PLCD4: variants seen among roughly 807,000 people sequenced by gnomAD.
PLCD4 encodes 1-phosphatidylinositol 4,5-bisphosphate phosphodiesterase delta-4.
In PLCD4, 63 loss-of-function variants were observed where a neutral mutation model predicts 90.2. The observed-to-expected ratio is 0.70, with a 90% CI of 0.57 to 0.86. The LOEUF is 0.86. Among genes scored for constraint, PLCD4 ranks in the 40% least tolerant of loss-of-function variants. The pLI is 0.00. For missense variants in PLCD4, 830 were observed against 956.3 expected, an observed-to-expected ratio of 0.87 and a Z score of 1.74; for synonymous variants, 294 against 356.5, an observed-to-expected ratio of 0.82 and a Z score of 1.97.
intron 3 of PLCD4, 143 bp downstream of exon 3, chr2:218,616,205 A>C: frequency 2.2e-6 from 2 of 915,892 alleles, no homozygotes; most frequent in South Asian, 1.8e-5. Context: ...AAAGGAGATC[A>C]TAACAGTACT....
intron 13 of PLCD4, 72 bp from the exon 14 acceptor site, chr2:218,635,724 T>C: frequency 1.3e-6 from 2 of 1,534,630 alleles, no homozygotes; most frequent in South Asian, 2.4e-5. Context: ...TCTTCTCCCC[T>C]GGGGTTGGGA....
chr2:218,628,231 G>GT lies in PLCD4; in HGVS notation c.974+2dup, dbSNP rs1193011589. The GT allele has an allele frequency of 1.9e-6, 3 of 1,613,370 alleles. No individual in the cohort carries two copies. The highest frequency in any genetic ancestry group is 1.3e-5 in the African/African-American group (1 of 74,918). ...AGAGCAGCGTCGAGGGATATATACG[G>GT]TGCAGTGGTGGTAGAGAAGGGGTCC... is the stretch of plus-strand genomic sequence containing the variant. On this transcript the variant is annotated splice_donor_variant, in intron 7 of 15. Coordinates refer to ENST00000450993, the MANE Select transcript of PLCD4 (RefSeq NM_032726.4). LOFTEE classifies it high-confidence loss of function.
At chr2:218,630,621 A>G (rs367923241) in intron 8 of PLCD4, 29 bp from the exon 9 acceptor site, 1 of 1,613,740 alleles carries the variant, frequency 6.2e-7, no homozygotes, top group African/African-American at 1.3e-5. Flanking sequence ...TAGAACTCTG[A>G]ATCCATTGTT....
intron 7 of PLCD4, chr2:218,628,762 A>C (rs1031027380): frequency 4.5e-5 from 7 of 154,512 alleles, no homozygotes; most frequent in African/African-American, 1.7e-4. Flanking sequence ...ATTAGATTGA[A>C]TAGTCAAGAT....
chr2:218,635,755 G>A lies in PLCD4; in HGVS notation c.1897-41G>A, dbSNP rs1258048055. 12 of 1,595,598 alleles carry A rather than the reference G, an allele frequency of 7.5e-6. No individual in the cohort carries two copies. The Admixed American group carries it at 1.2e-4, about 16-fold the overall frequency. ...TGGGAGTAGGGTCGGGTGGGGCTGG[G>A]CTGAGCAGGAACTTGTGAGATTCCA... On this transcript the variant is annotated intron_variant, in intron 13 of 15. Transcript: ENST00000450993.
chr2:218,616,148 T>C (rs1047523159), intron 3 of PLCD4, 86 bp downstream of exon 3: 43 of 1,466,932 alleles, frequency 2.9e-5, no homozygotes, highest in South Asian at 7.5e-5. Flanking sequence ...AGTCCTACGA[T>C]AGTGTGTGTT....
rs1217905028 is a variant in PLCD4 at position 218,634,372 on chromosome 2, C to T, written c.1724-86C>T. The T allele has an allele frequency of 6.4e-7, 1 of 1,571,624 alleles. No homozygotes were observed. The highest frequency in any genetic ancestry group is 1.2e-5 in the South Asian group (1 of 84,148). On this transcript the variant is annotated intron_variant, in intron 12 of 15. Coordinates refer to ENST00000450993, the MANE Select transcript of PLCD4 (RefSeq NM_032726.4). This position sits in a 1 kb window ranked among gnomAD's most constrained non-coding sequence, Gnocchi z 4.0. ...ATATTACCAGCAGGTACCGTGCACC[C>T]AGTACCTATCTTCTTAACTCCCTGA... is the stretch of plus-strand genomic sequence containing the variant.
chr2:218,628,747 C>A (rs1696226420), intron 7 of PLCD4: 1 of 154,950 alleles, frequency 6.5e-6, no homozygotes, highest in Non-Finnish European at 1.4e-5. Flanking sequence ...TGTGACTAAT[C>A]ATGGATTAGA....
At chr2:218,633,242 G>A (rs1388195991) in intron 10 of PLCD4, 3 of 604,234 alleles carry the variant, frequency 5.0e-6, no homozygotes, top group Admixed American at 5.6e-5. Context: ...GAGAGGGAGG[G>A]AGGATAATGC....
At chr2:218,608,454 T>C (rs1445457387) in intron 1 of PLCD4, among the ~76,000 whole-genome samples, 1 of 152,184 alleles carries the variant, frequency 6.6e-6, no homozygotes, top group African/African-American at 2.4e-5. Context: ...CCAAGAACCA[T>C]GGGGAATCAG....
At chr2:218,618,915 C>T (rs2106131187) in intron 4 of PLCD4, 108 bp downstream of exon 4, 1 of 1,055,926 alleles carries the variant, frequency 9.5e-7, no homozygotes, top group East Asian at 2.6e-5. Flanking sequence ...GCTAGGGAGG[C>T]CCAAGGGTCC....
At chr2:218,626,104 A>C in intron 6 of PLCD4, among the ~76,000 whole-genome samples, 1 of 151,960 alleles carries the variant, frequency 6.6e-6, no homozygotes, top group Non-Finnish European at 1.5e-5. Context: ...TAAAAAAATA[A>C]AAAAAATAAC....
At position 218,635,876 on chromosome 2, in the gene PLCD4, C is replaced by G; in HGVS notation, c.1977C>G (p.Ile659Met). 1 of 1,613,970 alleles carries G rather than the reference C, an allele frequency of 6.2e-7. No homozygotes were observed. Residue 659 changes from isoleucine to methionine, a missense_variant, in exon 14 of 16, where the codon ATC becomes ATG. Physicochemically the swap from Ile to Met is conservative, Grantham distance 10 (BLOSUM62 1). Coordinates refer to ENST00000450993, the MANE Select transcript of PLCD4 (RefSeq NM_032726.4). ...SIVDPLVKVQ[I>M]FGVRLDTARQ... ...TGGATCCACTGGTGAAAGTGCAGATCTTTGGCGTTCGTCTAGACACAGCAC... is the reference window on the plus strand; with the variant it reads ...TGGATCCACTGGTGAAAGTGCAGATGTTTGGCGTTCGTCTAGACACAGCAC...
intron 6 of PLCD4, among the ~76,000 whole-genome samples, chr2:218,626,181 C>T (rs1050704254): frequency 1.3e-5 from 2 of 151,746 alleles, no homozygotes; most frequent in Admixed American, 6.6e-5. Flanking sequence ...ATTGCTTGAG[C>T]CTGGAGGGCA....
intron 10 of PLCD4, chr2:218,633,356 G>A: frequency 1.4e-6 from 1 of 703,466 alleles, no homozygotes; most frequent in East Asian, 2.7e-5. Flanking sequence ...AGTACATGCA[G>A]ACCGCCTTTA....
intron 4 of PLCD4, among the ~76,000 whole-genome samples, chr2:218,621,096 A>AT (rs955658808): frequency 4.6e-5 from 7 of 151,734 alleles, no homozygotes; most frequent in South Asian, 2.1e-4. Flanking sequence ...CACCCAGATA[A>AT]TTTTTTTGTA....
chr2:218,630,655 A>G lies in PLCD4; in HGVS notation c.1125A>G (p.Ser375=). The change falls in exon 9 of 16, where the codon TCA becomes TCG. Residue 375 remains serine (S), a synonymous_variant. Coordinates refer to ENST00000450993, the MANE Select transcript of PLCD4 (RefSeq NM_032726.4). Reference sequence around the variant, plus strand: ...TTCCCTCCCCTCACCACCAGACATCAGACTACCCAGTCATCTTGTCCCTGG... The same window carrying G: ...TTCCCTCCCCTCACCACCAGACATCGGACTACCCAGTCATCTTGTCCCTGG... ...ATVAQYAFQT[S]DYPVILSLET... is the part of the protein sequence containing the mutation. The G allele has an allele frequency of 1.2e-6, 2 of 1,614,014 alleles. No homozygotes were observed. Among genetic ancestry groups the G allele is most frequent in the South Asian group, 1.1e-5 (1 of 91,084 alleles).
chr2:218,625,363 A>C (rs1696071431), intron 6 of PLCD4, among the ~76,000 whole-genome samples: 1 of 152,110 alleles, frequency 6.6e-6, no homozygotes. Flanking sequence ...AATCCAGTAA[A>C]CATCAGTTAC....
chr2:218,626,489 C>T (rs976499397), intron 6 of PLCD4, among the ~76,000 whole-genome samples: 3 of 152,280 alleles, frequency 2.0e-5, no homozygotes, highest in Admixed American at 6.5e-5. Context: ...TCTACAGTTA[C>T]TGATTATGAG....
Sources: allele counts gnomAD v4.1 joint callset (sites outside exome capture counted in the v4.1 genomes callset), GRCh38; gene constraint gnomAD v4.1.1; non-coding constraint Gnocchi (gnomAD v3.1); transcripts MANE v1.5; gene names NCBI Gene and HGNC (gene_info 2026-07-23, HGNC 2026-07-21).